ZBTB7C: variants seen among roughly 807,000 people sequenced by gnomAD.
The protein encoded by ZBTB7C is zinc finger and BTB domain containing 7C.
A neutral mutation model predicts 25.7 loss-of-function variants in ZBTB7C; 8 were observed. The ratio of observed to expected loss-of-function variants is 0.31; its 90% CI spans 0.18 to 0.56. ZBTB7C has a LOEUF of 0.56. Among genes scored for constraint, ZBTB7C ranks in the 20% least tolerant of loss-of-function variants. The pLI, the probability that ZBTB7C is intolerant of heterozygous loss-of-function variation, is 0.91. For missense variants in ZBTB7C, 824 were observed against 855.2 expected, an observed-to-expected ratio of 0.96 and a Z score of 0.46; for synonymous variants, 394 against 369.0, an observed-to-expected ratio of 1.07 and a Z score of -0.78.
intron 3 of ZBTB7C, among the ~76,000 whole-genome samples, chr18:48,064,877 A>G (rs975016198): frequency 6.6e-6 from 1 of 152,138 alleles, no homozygotes; most frequent in African/African-American, 2.4e-5. Context: ...GCAGGAGAAG[A>G]CCTGGAACAA....
chr18:48,108,973 G>A (rs190176693), intron 3 of ZBTB7C, among the ~76,000 whole-genome samples: 3 of 152,248 alleles, frequency 2.0e-5, no homozygotes, highest in East Asian at 3.9e-4. Context: ...GGGTAAGGAA[G>A]GGGGGCTCTG....
At chr18:48,044,454 C>A (rs368675765) in intron 3 of ZBTB7C, among the ~76,000 whole-genome samples, 1 of 152,232 alleles carries the variant, frequency 6.6e-6, no homozygotes, top group Non-Finnish European at 1.5e-5. Flanking sequence ...GGGCAGCCTG[C>A]GTGGTTGCAT....
chr18:48,351,984 A>G (rs574372009), intron 1 of ZBTB7C, among the ~76,000 whole-genome samples: 2 of 152,186 alleles, frequency 1.3e-5, no homozygotes, highest in South Asian at 4.2e-4. Flanking sequence ...CCCTCTGCCC[A>G]GCCCCCTTCC....
intron 3 of ZBTB7C, among the ~76,000 whole-genome samples, chr18:48,065,312 C>T (rs546848568): frequency 2.0e-5 from 3 of 152,122 alleles, no homozygotes; most frequent in South Asian, 2.1e-4. Context: ...GCTGGAGATT[C>T]GCAATGAATC....
chr18:48,129,139 T>A (rs1270792777), intron 3 of ZBTB7C, among the ~76,000 whole-genome samples: 1 of 151,640 alleles, frequency 6.6e-6, no homozygotes, highest in Admixed American at 6.6e-5. Flanking sequence ...ATTTGAGCAG[T>A]GTAGGAAAAG....
chr18:48,311,311 G>T (rs79088845), intron 2 of ZBTB7C, among the ~76,000 whole-genome samples: 1,940 of 152,214 alleles, frequency 0.013, 37 homozygotes, highest in African/African-American at 0.045. Context: ...CAGTACCATC[G>T]CAAGTGCTTA....
At chr18:48,242,037 A>G (rs185684635) in intron 2 of ZBTB7C, among the ~76,000 whole-genome samples, 1 of 152,280 alleles carries the variant, frequency 6.6e-6, no homozygotes, top group East Asian at 1.9e-4. Flanking sequence ...TACCACAGAA[A>G]TGCAAAAGAT....
chr18:48,126,602 G>A (rs536775759), intron 3 of ZBTB7C, among the ~76,000 whole-genome samples: 25 of 152,320 alleles, frequency 1.6e-4, no homozygotes, highest in African/African-American at 6.0e-4. Context: ...TTGCAGTGGG[G>A]CCATTGTGAT....
intron 4 of ZBTB7C, among the ~76,000 whole-genome samples, chr18:48,032,776 G>C (rs2035821124): frequency 6.6e-6 from 1 of 152,024 alleles, no homozygotes; most frequent in Non-Finnish European, 1.5e-5. Flanking sequence ...ATAATTAGTA[G>C]CACTGACCCT....
intron 3 of ZBTB7C, among the ~76,000 whole-genome samples, chr18:48,060,441 T>G (rs2037084831): frequency 6.6e-6 from 1 of 152,054 alleles, no homozygotes; most frequent in South Asian, 2.1e-4. Context: ...ACTCAGTGAA[T>G]CAGCTTTCAC....
At chr18:48,200,752 G>T (rs937449587) in intron 2 of ZBTB7C, among the ~76,000 whole-genome samples, 1 of 152,208 alleles carries the variant, frequency 6.6e-6, no homozygotes, top group Non-Finnish European at 1.5e-5. Flanking sequence ...TCCCAGCTCA[G>T]ACTCCACACA....
chr18:48,305,302 C>T (rs945001367), intron 2 of ZBTB7C, among the ~76,000 whole-genome samples: 4 of 152,176 alleles, frequency 2.6e-5, no homozygotes, highest in East Asian at 1.9e-4. Context: ...GCCAGAGCTA[C>T]GGTTCCAAAA....
At chr18:48,315,034 C>T (rs2045915861) in intron 2 of ZBTB7C, among the ~76,000 whole-genome samples, 1 of 152,190 alleles carries the variant, frequency 6.6e-6, no homozygotes, top group Non-Finnish European at 1.5e-5. Flanking sequence ...CTTCTGTCCT[C>T]TGTTCGGGCT....
At chr18:48,405,987 A>G (rs10163610) in intron 1 of ZBTB7C, among the ~76,000 whole-genome samples, 39,623 of 151,230 alleles carry the variant, frequency 0.26, 7,974 homozygotes, top group African/African-American at 0.57. Flanking sequence ...TGTGTGGTTC[A>G]TTGATAGGTT....
chr18:48,187,281 A>G (rs1485196757), intron 2 of ZBTB7C, among the ~76,000 whole-genome samples: 1 of 152,244 alleles, frequency 6.6e-6, no homozygotes, highest in Non-Finnish European at 1.5e-5. Context: ...CATTGTTCAC[A>G]ATAGCCAAAA....
intron 3 of ZBTB7C, among the ~76,000 whole-genome samples, chr18:48,074,099 C>T (rs908899415): frequency 1.5e-4 from 23 of 152,032 alleles, no homozygotes; most frequent in African/African-American, 2.4e-4. Flanking sequence ...CTGCAACCTC[C>T]ACTTCCCAGG....
intron 2 of ZBTB7C, among the ~76,000 whole-genome samples, chr18:48,299,681 C>G (rs1208642485): frequency 6.6e-6 from 1 of 152,116 alleles, no homozygotes; most frequent in Non-Finnish European, 1.5e-5. Flanking sequence ...AGGAAACAGC[C>G]AGGGGAAAGG....
Position 48,398,010 on chromosome 18 carries a change from A to G in ZBTB7C, c.-304+11216T>C, listed in dbSNP as rs144766815. 5.8e-4 allele frequency among the ~76,000 whole-genome samples: 88 copies of G among 152,318 alleles called. 1 individual carries two copies. The East Asian group carries it at 0.016, about 28-fold the overall frequency. Reference sequence around the variant, plus strand: ...AGGGCCAATCCACAACTATTCAGCAACTTCAGCTTGTCACCTTCAAGCCTG... The same window carrying G: ...AGGGCCAATCCACAACTATTCAGCAGCTTCAGCTTGTCACCTTCAAGCCTG... On this transcript the variant is annotated intron_variant, in intron 1 of 4. Coordinates refer to ENST00000590800, the MANE Select transcript of ZBTB7C (RefSeq NM_001318841.2).
chr18:48,283,193 C>G (rs1568351251), intron 2 of ZBTB7C, among the ~76,000 whole-genome samples: 1 of 152,062 alleles, frequency 6.6e-6, no homozygotes, highest in Non-Finnish European at 1.5e-5. Flanking sequence ...AATTTATCTT[C>G]AGGAAATAAT....
Sources: gnomAD v4.1 joint callset for allele counts (sites outside exome capture counted in the v4.1 genomes callset) on GRCh38, gnomAD v4.1.1 for gene constraint, MANE v1.5 for transcripts, NCBI Gene and HGNC (gene_info 2026-07-23, HGNC 2026-07-21) for gene names.